The following SIAE variants were observed in gnomAD, a reference collection of about 807,000 sequenced individuals.
The protein encoded by SIAE is sialate O-acetylesterase.
SIAE carries 39 observed loss-of-function variants against 52.6 expected under a neutral mutation model. The ratio of observed to expected loss-of-function variants is 0.74; its 90% CI spans 0.57 to 0.97. The LOEUF (loss-of-function observed/expected upper bound fraction) is 0.97, where lower values mean the gene tolerates loss of function less well. Ranked by LOEUF, SIAE falls within the 50% of genes least tolerant of loss-of-function variation. The pLI, the probability that SIAE is intolerant of heterozygous loss-of-function variation, is 0.00. For synonymous variants in SIAE, 233 were observed against 241.4 expected (o/e 0.97, Z 0.32); for missense variants, 592 against 662.1 (o/e 0.89, Z 1.16).
At chr11:124,638,854 A>T (rs1045810304) in intron 8 of SIAE, 117 bp from the exon 9 acceptor site, 3 of 814,246 alleles carry the variant, frequency 3.7e-6, no homozygotes, top group Non-Finnish European at 4.0e-6. Flanking sequence ...AGTTGACTGA[A>T]CTCTGTGATC....
chr11:124,643,147 A>C (rs1427725649), intron 7 of SIAE, among the ~76,000 whole-genome samples: 1 of 152,252 alleles, frequency 6.6e-6, no homozygotes, highest in African/African-American at 2.4e-5. Flanking sequence ...ATAGAAAACT[A>C]AAACAGCAGG....
chr11:124,643,242 C>T (rs1221768433), intron 7 of SIAE, among the ~76,000 whole-genome samples: 1 of 152,158 alleles, frequency 6.6e-6, no homozygotes, highest in Non-Finnish European at 1.5e-5. Context: ...AAAAGTAAGG[C>T]AGCCAGTGTG....
chr11:124,649,806 G>A lies in SIAE; in HGVS notation c.545-10C>T. 1 of 1,613,998 alleles carries A rather than the reference G, an allele frequency of 6.2e-7. No individual in the cohort carries two copies. On this transcript the variant is annotated splice_polypyrimidine_tract_variant and intron_variant, in intron 4 of 9. Coordinates refer to ENST00000263593, the MANE Select transcript of SIAE (RefSeq NM_170601.5). ...CCATGGCCTAAGTTTTCTGTTCAGA[G>A]AAATGGTTAAAGAAAAAGAGCCAGA...
rs576853759 is a variant in SIAE, at chr11:124,645,462, C to T, written c.966+1903G>A. Reference sequence around the variant, plus strand: ...GATTACAGGGATGCGCCACCACACCCGACTAATTTTGTATTTTTAGTAGAG... The same window carrying T: ...GATTACAGGGATGCGCCACCACACCTGACTAATTTTGTATTTTTAGTAGAG... On this transcript the variant is annotated intron_variant, in intron 7 of 9. Transcript: ENST00000263593. This position sits in a 1 kb window ranked among gnomAD's most constrained non-coding sequence, Gnocchi z 4.7. 5.3e-5 allele frequency among the ~76,000 whole-genome samples: 8 copies of T among 152,098 alleles called. No homozygotes were observed. In the East Asian group the frequency reaches 9.7e-4, roughly 18 times the overall value.
intron 1 of SIAE, among the ~76,000 whole-genome samples, chr11:124,671,446 C>A (rs982458873): frequency 6.6e-6 from 1 of 152,166 alleles, no homozygotes; most frequent in Non-Finnish European, 1.5e-5. Context: ...CTGTGGCAGG[C>A]ACAGTGCTAA....
upstream of SIAE, chr11:124,675,515 T>C: frequency 2.2e-6 from 3 of 1,336,190 alleles, no homozygotes; most frequent in South Asian, 2.9e-5. Context: ...GCAGAAAGCC[T>C]TTTATGAGGC....
At chr11:124,660,954 C>T in intron 2 of SIAE, 151 bp from the exon 3 acceptor site, 4 of 794,638 alleles carry the variant, frequency 5.0e-6, no homozygotes, top group Non-Finnish European at 6.4e-6. Flanking sequence ...GAGGATAGAA[C>T]TAACACGAGC....
chr11:124,653,325 A>C (rs931610364), intron 4 of SIAE, among the ~76,000 whole-genome samples: 1 of 152,182 alleles, frequency 6.6e-6, no homozygotes, highest in Non-Finnish European at 1.5e-5. Flanking sequence ...GTGAATTACT[A>C]CTTATAAATG....
rs532158289 is a variant in SIAE, at chr11:124,647,214, T to C, written c.966+151A>G. 106 of 1,064,546 alleles carry C rather than the reference T, an allele frequency of 1.0e-4. 2 individuals are homozygous for C. In the South Asian group the frequency reaches 1.4e-3, roughly 14 times the overall value. 65.9% of individuals were successfully genotyped at this position (1,064,546 alleles called of 1,614,324 possible). On this transcript the variant is annotated intron_variant, in intron 7 of 9. Coordinates refer to ENST00000263593, the MANE Select transcript of SIAE (RefSeq NM_170601.5). The stretch of plus-strand genomic sequence containing the variant: ...ATGAAGTAAGCCTTACATTCAGTTC[T>C]TGACCAGCACATTATGAGGACAAAA...
intron 8 of SIAE, 105 bp downstream of exon 8, chr11:124,639,605 C>G: frequency 4.7e-6 from 7 of 1,482,880 alleles, no homozygotes; most frequent in Non-Finnish European, 6.6e-6. Flanking sequence ...ATACGTGACT[C>G]TTAAGTGCCA....
Position 124,634,511 on chromosome 11 carries a change from G to T in SIAE, c.*2440C>A, listed in dbSNP as rs1414723640. On this transcript the variant is annotated 3_prime_UTR_variant, in exon 10 of 10. Coordinates refer to ENST00000263593, the MANE Select transcript of SIAE (RefSeq NM_170601.5). ...GTAAGTTGTTTAATCCTTTGGGAGGGTTAAGCTGTAGATATCTAAATTTTA... is the reference window on the plus strand; with the variant it reads ...GTAAGTTGTTTAATCCTTTGGGAGGTTTAAGCTGTAGATATCTAAATTTTA... 4 of 152,084 alleles carry T rather than the reference G, an allele frequency of 2.6e-5. No individual in the cohort carries two copies. The highest frequency in any genetic ancestry group is 7.2e-5 in the African/African-American group (3 of 41,414). 9.4% of individuals were successfully genotyped at this position (152,084 alleles called of 1,614,324 possible).
chr11:124,663,351 C>T (rs1468055265), intron 2 of SIAE, among the ~76,000 whole-genome samples: 6 of 152,000 alleles, frequency 3.9e-5, no homozygotes, highest in Admixed American at 6.6e-5. Context: ...CCGAGGCAGG[C>T]GGATCACAAG....
intron 6 of SIAE, 130 bp from the exon 7 acceptor site, chr11:124,647,628 AGCCAGTGGG>A: frequency 8.9e-7 from 1 of 1,129,248 alleles, no homozygotes. Context: ...GTCTTTTTCC[AGCCAGTGGG>A]GCATCAGCAA....
At chr11:124,662,640 C>T (rs1193577889) in intron 2 of SIAE, among the ~76,000 whole-genome samples, 5 of 152,152 alleles carry the variant, frequency 3.3e-5, no homozygotes, top group African/African-American at 1.2e-4. Context: ...CCAAACATAG[C>T]AATACCATCC....
At chr11:124,654,829 G>A (rs1341248662) in intron 3 of SIAE, 36 bp from the exon 4 acceptor site, 1 of 1,611,902 alleles carries the variant, frequency 6.2e-7, no homozygotes, top group South Asian at 1.1e-5. Flanking sequence ...TAACCTAGCA[G>A]GTGGTGAACT....
At chr11:124,650,609 C>T (rs1943003455) in intron 4 of SIAE, among the ~76,000 whole-genome samples, 1 of 151,930 alleles carries the variant, frequency 6.6e-6, no homozygotes, top group South Asian at 2.1e-4. Flanking sequence ...CCCGTCTCTA[C>T]CCAAAATACA....
At chr11:124,656,977 C>A (rs1411574510) in intron 3 of SIAE, among the ~76,000 whole-genome samples, 1 of 151,968 alleles carries the variant, frequency 6.6e-6, no homozygotes, top group Non-Finnish European at 1.5e-5. Flanking sequence ...CCAGCCACAG[C>A]GTAAGAGAAA....
At position 124,635,802 on chromosome 11, in the gene SIAE, A is replaced by G. The variant is rs1041312810; in HGVS notation, c.*1149T>C. The G allele has an allele frequency of 2.2e-4, 34 of 152,260 alleles. No individual in the cohort carries two copies. Among genetic ancestry groups the G allele is most frequent in the Admixed American group, 2.2e-3 (33 of 15,296 alleles). 9.4% of individuals were successfully genotyped at this position (152,260 alleles called of 1,614,324 possible). ...TATAAATACATACACATCACTAGTG[A>G]TTATGCTTTTATTTATTTCCAACTT... On this transcript the variant is annotated 3_prime_UTR_variant, in exon 10 of 10. Coordinates refer to ENST00000263593, the MANE Select transcript of SIAE (RefSeq NM_170601.5).
intron 2 of SIAE, among the ~76,000 whole-genome samples, chr11:124,663,004 G>A (rs1327570298): frequency 6.6e-6 from 1 of 152,108 alleles, no homozygotes; most frequent in Non-Finnish European, 1.5e-5. Context: ...AATTAGCAGG[G>A]TGTGATGGCA....
Sources: gnomAD v4.1 joint callset for allele counts (sites outside exome capture counted in the v4.1 genomes callset) on GRCh38, gnomAD v4.1.1 for gene constraint, Gnocchi (gnomAD v3.1) non-coding constraint, MANE v1.5 for transcripts, NCBI Gene and HGNC (gene_info 2026-07-23, HGNC 2026-07-21) for gene names.